Variants in ZMIZ1 observed in about 807,000 individuals in gnomAD.
The protein encoded by ZMIZ1 is zinc finger MIZ-type containing 1.
A neutral mutation model predicts 113.9 loss-of-function variants in ZMIZ1; 17 were observed. The observed-to-expected ratio is 0.15, with a 90% confidence interval of 0.10 to 0.22. The LOEUF (loss-of-function observed/expected upper bound fraction) is 0.22. ZMIZ1 is among the 10% of genes least tolerant of loss of function. The pLI, the probability that ZMIZ1 is intolerant of heterozygous loss-of-function variation, is 1.00. For missense variants in ZMIZ1, 1,059 were observed against 1,477.8 expected (o/e 0.72, Z 4.65); for synonymous variants, 607 against 603.1 (o/e 1.01, Z -0.09).
intron 1 of ZMIZ1, among the ~76,000 whole-genome samples, chr10:79,094,183 C>T (rs1161396827): frequency 6.6e-6 from 1 of 152,242 alleles, no homozygotes; most frequent in South Asian, 2.1e-4. Context: ...CTTCCTCCGA[C>T]CTGGCTTCCT....
At chr10:79,204,758 G>T (rs1245492048) in intron 5 of ZMIZ1, among the ~76,000 whole-genome samples, 1 of 152,142 alleles carries the variant, frequency 6.6e-6, no homozygotes, top group Non-Finnish European at 1.5e-5. Flanking sequence ...GGACATATGG[G>T]CAGATAGTTA....
chr10:79,278,484 A>C (rs903401552), intron 8 of ZMIZ1, among the ~76,000 whole-genome samples: 18 of 148,870 alleles, frequency 1.2e-4, no homozygotes, highest in African/African-American at 3.7e-4. Flanking sequence ...TGTTTCTCGG[A>C]GAGGGGGATT....
Position 79,313,982 on chromosome 10 carries a change from G to A in ZMIZ1, c.*1233G>A. 2.2e-6 allele frequency: 1 copy of A among 451,148 alleles called. No individual in the cohort carries two copies. Among genetic ancestry groups the A allele is most frequent in the Non-Finnish European group, 4.5e-6 (1 of 224,356 alleles). 27.9% of individuals were successfully genotyped at this position (451,148 alleles called of 1,614,324 possible). Reference sequence around the variant, plus strand: ...GCTGCAGCCCAGGCCATGGACATGTGCACCAGTATGTACCTGCAGGCATGG... The same window carrying A: ...GCTGCAGCCCAGGCCATGGACATGTACACCAGTATGTACCTGCAGGCATGG... On this transcript the variant is annotated 3_prime_UTR_variant, in exon 25 of 25. Coordinates refer to ENST00000334512, the MANE Select transcript of ZMIZ1 (RefSeq NM_020338.4).
At chr10:79,159,983 G>T (rs1404355862) in intron 3 of ZMIZ1, among the ~76,000 whole-genome samples, 1 of 152,262 alleles carries the variant, frequency 6.6e-6, no homozygotes, top group Non-Finnish European at 1.5e-5. Flanking sequence ...GCTCACTGGG[G>T]AGCGAGGGCT....
chr10:79,292,266 A>G lies in ZMIZ1; in HGVS notation c.867A>G (p.Ala289=), dbSNP rs551280800. The G allele has an allele frequency of 1.1e-5, 17 of 1,609,758 alleles. No individual in the cohort carries two copies. The highest frequency in any genetic ancestry group is 4.0e-5 in the African/African-American group (3 of 74,848). ...PAAAAAAAAV[A]AAAATATATA... ...CAGCCGCTGCAGCAGCGGCAGTGGC[A>G]GCAGCAGCAGCCACAGCTACAGCCA... Residue 289 remains alanine (A), a synonymous_variant, in exon 11 of 25, where the codon GCA becomes GCG. Transcript: ENST00000334512.
intron 21 of ZMIZ1, 83 bp from the exon 22 acceptor site, chr10:79,306,017 G>T (rs1250557): frequency 0.64 from 986,504 of 1,548,592 alleles, 316,020 homozygotes; most frequent in Admixed American, 0.73. Context: ...AAGGTCACCT[G>T]GGTGTCTGTC....
chr10:79,310,171 A>C (rs1014591953), intron 23 of ZMIZ1, among the ~76,000 whole-genome samples: 1 of 152,144 alleles, frequency 6.6e-6, no homozygotes, highest in African/African-American at 2.4e-5. Context: ...TTGTCCTTGG[A>C]GTCCCAGAGG....
chr10:79,171,648 G>A (rs1261385974), intron 4 of ZMIZ1, among the ~76,000 whole-genome samples: 1 of 152,222 alleles, frequency 6.6e-6, no homozygotes, highest in Non-Finnish European at 1.5e-5. Context: ...AATTTGTGAT[G>A]CACCGTGTCC....
At chr10:79,278,452 G>T (rs1047727516) in intron 8 of ZMIZ1, among the ~76,000 whole-genome samples, 19 of 146,858 alleles carry the variant, frequency 1.3e-4, no homozygotes, top group African/African-American at 4.7e-4. Flanking sequence ...ATTTTTTTTA[G>T]TATTTATTGA....
At chr10:79,188,599 G>A (rs185662624) in intron 4 of ZMIZ1, among the ~76,000 whole-genome samples, 84 of 152,206 alleles carry the variant, frequency 5.5e-4, no homozygotes, top group Middle Eastern at 3.4e-3. Flanking sequence ...CCAGCTTGGA[G>A]CTAGGAATCT....
intron 7 of ZMIZ1, among the ~76,000 whole-genome samples, chr10:79,221,569 C>T (rs929430396): frequency 2.0e-5 from 3 of 152,038 alleles, no homozygotes; most frequent in Non-Finnish European, 2.9e-5. Context: ...CATGCCAGCC[C>T]GAGGGGACTT....
rs903480412 is a variant in ZMIZ1, at chr10:79,297,674, A to C, written c.1475A>C (p.Gln492Pro). ...GGAAGCAGCTACAGTAACTACAGCCAAGGGAATGTCAACAGGGTATGTTCC... is the reference window on the plus strand; with the variant it reads ...GGAAGCAGCTACAGTAACTACAGCCCAGGGAATGTCAACAGGGTATGTTCC... The part of the protein sequence containing the change: ...FSGSSYSNYS[Q>P]GNVNRPPRPV... The change falls in exon 14 of 25, where the codon CAA becomes CCA. Residue 492 changes from glutamine (Q) to proline (P), a missense_variant. Physicochemically the swap from Gln to Pro is moderately conservative, Grantham distance 76 (BLOSUM62 -1). Coordinates refer to ENST00000334512, the MANE Select transcript of ZMIZ1 (RefSeq NM_020338.4). The C allele has an allele frequency of 5.6e-6, 9 of 1,614,058 alleles. No homozygotes were observed. In the East Asian group the frequency reaches 2.0e-4, roughly 36 times the overall value.
chr10:79,239,653 CT>C (rs1218918021), intron 7 of ZMIZ1, among the ~76,000 whole-genome samples: 1 of 152,172 alleles, frequency 6.6e-6, no homozygotes, highest in Non-Finnish European at 1.5e-5. Context: ...GTATGCTTGT[CT>C]TTCCTTGCTA....
chr10:79,237,571 A>G (rs1449287878), intron 7 of ZMIZ1, among the ~76,000 whole-genome samples: 1 of 152,156 alleles, frequency 6.6e-6, no homozygotes, highest in African/African-American at 2.4e-5. Context: ...GCTTGTGGCA[A>G]CATAACTTCA....
chr10:79,116,785 C>T (rs1844052380), intron 1 of ZMIZ1, among the ~76,000 whole-genome samples: 1 of 152,220 alleles, frequency 6.6e-6, no homozygotes, highest in African/African-American at 2.4e-5. Context: ...GATCAAGAAA[C>T]AGAACCTTGC....
At chr10:79,285,890 G>A (rs1396237869) in intron 8 of ZMIZ1, among the ~76,000 whole-genome samples, 1 of 152,216 alleles carries the variant, frequency 6.6e-6, no homozygotes, top group Non-Finnish European at 1.5e-5. Flanking sequence ...TTTCAAGGTG[G>A]GATGGAACTT....
chr10:79,226,949 C>T (rs558417730), intron 7 of ZMIZ1, among the ~76,000 whole-genome samples: 3 of 152,336 alleles, frequency 2.0e-5, no homozygotes, highest in East Asian at 3.9e-4. Context: ...TTCTCTGTAA[C>T]AGGCACTGCC....
At position 79,277,270 on chromosome 10, in the gene ZMIZ1, C is replaced by T. The variant is rs774956684; in HGVS notation, c.370C>T (p.Pro124Ser). The T allele has an allele frequency of 6.3e-7, 1 of 1,597,628 alleles. No individual in the cohort carries two copies. The highest frequency in any genetic ancestry group is 8.5e-7 in the Non-Finnish European group (1 of 1,173,500). The change falls in exon 8 of 25, where the codon CCC becomes TCC. Residue 124 changes from proline to serine, a missense_variant. Physicochemically the swap from Pro to Ser is moderately conservative, Grantham distance 74 (BLOSUM62 -1). Coordinates refer to ENST00000334512, the MANE Select transcript of ZMIZ1 (RefSeq NM_020338.4). ...CCAGAGCGATCCCCCTGGGAAACTC[C>T]CCATGCAGCCCCCTCTCAGCTCCAT... ...SRQSDPPGKL[P>S]MQPPLSSMSS...
intron 7 of ZMIZ1, among the ~76,000 whole-genome samples, chr10:79,238,437 T>C (rs1361477714): frequency 6.6e-6 from 1 of 152,164 alleles, no homozygotes; most frequent in Non-Finnish European, 1.5e-5. Context: ...TCACTGTGCA[T>C]CGTGTCCCTG....
Sources: allele counts gnomAD v4.1 joint callset (sites outside exome capture counted in the v4.1 genomes callset), GRCh38; gene constraint gnomAD v4.1.1; transcripts MANE v1.5; gene names NCBI Gene and HGNC (gene_info 2026-07-23, HGNC 2026-07-21).